Variants in DNAJB6 observed in about 807,000 individuals in gnomAD.
DNAJB6 encodes dnaJ homolog subfamily B member 6.
In DNAJB6, 16 loss-of-function variants were observed where a neutral mutation model predicts 42.7. The observed-to-expected ratio is 0.37, with a 90% CI of 0.25 to 0.57. DNAJB6 has a LOEUF of 0.57. Ranked by LOEUF, DNAJB6 falls within the 20% of genes least tolerant of loss-of-function variation. The pLI, the probability that DNAJB6 is intolerant of heterozygous loss-of-function variation, is 0.74. For missense variants in DNAJB6, 347 were observed against 416.8 expected, an observed-to-expected ratio of 0.83 and a Z score of 1.46; for synonymous variants, 170 against 163.5, an observed-to-expected ratio of 1.04 and a Z score of -0.30.
At chr7:157,346,296 C>G (rs1425960410) in intron 1 of DNAJB6, among the ~76,000 whole-genome samples, 3 of 142,708 alleles carry the variant, frequency 2.1e-5, no homozygotes, top group Non-Finnish European at 4.5e-5. Context: ...TATGGGGTAG[C>G]CCTGCTCTGC....
chr7:157,363,564 G>A (rs544988274), intron 3 of DNAJB6, among the ~76,000 whole-genome samples: 32 of 152,188 alleles, frequency 2.1e-4, no homozygotes, highest in African/African-American at 7.0e-4. Flanking sequence ...AGGAGGTTGC[G>A]GGACTCAGGT....
At chr7:157,338,232 C>A (rs1170200210) in intron 1 of DNAJB6, among the ~76,000 whole-genome samples, 1 of 152,132 alleles carries the variant, frequency 6.6e-6, no homozygotes, top group Non-Finnish European at 1.5e-5. Flanking sequence ...AATAGTGTTG[C>A]GTATCAGAAC....
intron 8 of DNAJB6, among the ~76,000 whole-genome samples, chr7:157,387,809 AT>A (rs1415968129): frequency 6.6e-6 from 1 of 152,016 alleles, no homozygotes; most frequent in Non-Finnish European, 1.5e-5. Context: ...GGGAGCATTC[AT>A]TTGTACTTGG....
intron 5 of DNAJB6, among the ~76,000 whole-genome samples, chr7:157,369,632 AGG>A (rs1800023381): frequency 2.2e-5 from 3 of 138,108 alleles, no homozygotes; most frequent in African/African-American, 9.5e-5. Flanking sequence ...GTTATTAAAG[AGG>A]CCCTTTCTTC....
intron 9 of DNAJB6, chr7:157,415,659 C>A: frequency 4.1e-6 from 1 of 242,320 alleles, no homozygotes; most frequent in Admixed American, 5.2e-5. Context: ...GGGGTAGGTC[C>A]CAGGGTGGGG....
At chr7:157,404,609 C>T (rs893015125) in intron 8 of DNAJB6, among the ~76,000 whole-genome samples, 1 of 151,100 alleles carries the variant, frequency 6.6e-6, no homozygotes, top group South Asian at 2.1e-4. Flanking sequence ...CTCCCAGGCT[C>T]AAGCGATTCT....
chr7:157,382,990 C>CTT (rs369351438), intron 6 of DNAJB6, among the ~76,000 whole-genome samples: 1 of 148,806 alleles, frequency 6.7e-6, no homozygotes, highest in Non-Finnish European at 1.5e-5. Context: ...CACAAAGGAG[C>CTT]TTTTTTTTTT....
chr7:157,408,848 T>A (rs1461812954), intron 8 of DNAJB6, among the ~76,000 whole-genome samples: 2 of 152,248 alleles, frequency 1.3e-5, no homozygotes, highest in Non-Finnish European at 2.9e-5. Flanking sequence ...TGGCGTAAAC[T>A]CTCTGCTGTG....
intron 9 of DNAJB6, among the ~76,000 whole-genome samples, 160 bp from the exon 10 acceptor site, chr7:157,415,856 T>G (rs1796095619): frequency 6.6e-6 from 1 of 152,242 alleles, no homozygotes; most frequent in Non-Finnish European, 1.5e-5. Context: ...ACGTGCACCT[T>G]GGAAAGCGCC....
In DNAJB6 at chr7:157,363,285, G is replaced by T; in HGVS notation, c.175+15G>T. 1.3e-6 allele frequency: 2 copies of T among 1,568,190 alleles called. No individual in the cohort carries two copies. Among genetic ancestry groups the T allele is most frequent in the Non-Finnish European group, 1.8e-6 (2 of 1,142,348 alleles). On this transcript the variant is annotated intron_variant, in intron 3 of 9. Coordinates refer to ENST00000262177, the MANE Select transcript of DNAJB6 (RefSeq NM_058246.4). ...GCTGTCGGATGGTGAGTGACAGCGA[G>T]CTGCTGAAGGACCCTGAGCGGGCAT...
chr7:157,351,651 ACAAC>A (rs1316800945), intron 1 of DNAJB6, among the ~76,000 whole-genome samples: 49 of 112,754 alleles, frequency 4.3e-4, no homozygotes, highest in Non-Finnish European at 5.5e-4. Flanking sequence ...AACAACAACA[ACAAC>A]AACAACAAAA....
intron 8 of DNAJB6, among the ~76,000 whole-genome samples, chr7:157,405,219 T>C (rs1484770633): frequency 6.6e-6 from 1 of 152,110 alleles, no homozygotes; most frequent in Non-Finnish European, 1.5e-5. Flanking sequence ...TGTTGTGCAA[T>C]AGCTGCGTGA....
intron 6 of DNAJB6, 87 bp from the exon 7 acceptor site, chr7:157,384,780 A>G (rs1206918445): frequency 3.0e-6 from 4 of 1,328,924 alleles, no homozygotes; most frequent in Non-Finnish European, 4.2e-6. Flanking sequence ...AACATTAAAT[A>G]TTCTGCTACT....
At chr7:157,384,843 T>G (rs200678388) in intron 6 of DNAJB6, 24 bp from the exon 7 acceptor site, 1 of 1,602,444 alleles carries the variant, frequency 6.2e-7, no homozygotes, top group African/African-American at 1.3e-5. Flanking sequence ...TCTTTAAGCA[T>G]TTTTCTTTTC....
intron 5 of DNAJB6, among the ~76,000 whole-genome samples, chr7:157,371,557 G>A (rs965576319): frequency 6.6e-6 from 1 of 152,260 alleles, no homozygotes; most frequent in African/African-American, 2.4e-5. Context: ...TCGCGGAGGC[G>A]GATTCTAACA....
At chr7:157,380,409 C>CT (rs1465635856) in intron 5 of DNAJB6, 1 of 152,124 alleles carries the variant, frequency 6.6e-6, no homozygotes, top group African/African-American at 2.4e-5. Flanking sequence ...TGCTTTTGTT[C>CT]TTTCTTGTCT....
chr7:157,363,009 T>G, intron 2 of DNAJB6, 152 bp from the exon 3 acceptor site: 1 of 518,822 alleles, frequency 1.9e-6, no homozygotes, highest in Admixed American at 3.2e-5. Context: ...TGTATTTCAT[T>G]GTAGAGGAAA....
intron 8 of DNAJB6, among the ~76,000 whole-genome samples, chr7:157,407,674 G>A (rs963492564): frequency 2.0e-5 from 3 of 152,144 alleles, no homozygotes; most frequent in Non-Finnish European, 2.9e-5. Context: ...GTGCACAGGT[G>A]TCCCCGGGCA....
chr7:157,359,229 T>A (rs1799457991), intron 2 of DNAJB6, among the ~76,000 whole-genome samples: 1 of 152,184 alleles, frequency 6.6e-6, no homozygotes. Flanking sequence ...ATTGTTAGAT[T>A]TTAACATAGC....
Sources: allele counts gnomAD v4.1 joint callset (sites outside exome capture counted in the v4.1 genomes callset), GRCh38; gene constraint gnomAD v4.1.1; transcripts MANE v1.5; gene names NCBI Gene and HGNC (gene_info 2026-07-23, HGNC 2026-07-21).